The following ZYX variants were observed in gnomAD, a reference collection of about 807,000 sequenced individuals.
The protein encoded by ZYX is zyxin-2.
A neutral mutation model predicts 58.1 loss-of-function variants in ZYX; 37 were observed. That is an observed-to-expected ratio of 0.64 (90% confidence interval 0.49 to 0.84). The LOEUF (loss-of-function observed/expected upper bound fraction) is 0.84. Ranked by LOEUF, ZYX falls within the 40% of genes least tolerant of loss-of-function variation. ZYX has a pLI of 0.00. For missense variants in ZYX, 762 were observed against 761.6 expected, an observed-to-expected ratio of 1.00 and a Z score of -0.01; for synonymous variants, 324 against 321.1, an observed-to-expected ratio of 1.01 and a Z score of -0.10.
Position 143,388,917 on chromosome 7 carries a change from C to T in ZYX, c.1465C>T (p.Arg489Trp), listed in dbSNP as rs73154206. 0.016 allele frequency: 26,001 copies of T among 1,612,324 alleles called. 251 individuals carry two copies. The highest frequency in any genetic ancestry group is 0.02 in the Middle Eastern group (104 of 5,222). The change falls in exon 8 of 10, where the codon CGG becomes TGG. Residue 489 changes from arginine (R) to tryptophan (W), a missense_variant. Coordinates refer to ENST00000322764, the MANE Select transcript of ZYX (RefSeq NM_003461.5). This position sits in a 1 kb window ranked among gnomAD's most constrained non-coding sequence, Gnocchi z 7.5. ...CTCCTTCATCGTGGACCAGGCCAAC[C>T]GGCCCCACTGTGTCCCCGACTACCA... ...GTSFIVDQANRPHCVPDYHKQ... is the reference protein window; with the variant it reads ...GTSFIVDQANWPHCVPDYHKQ...
In ZYX at chr7:143,390,250, T is replaced by TG. The variant is rs1805023333; in HGVS notation, c.1614+275dup. 1 of 540,496 alleles carries TG rather than the reference T, an allele frequency of 1.9e-6. No homozygotes were observed. Among genetic ancestry groups the TG allele is most frequent in the African/African-American group, 1.9e-5 (1 of 52,642 alleles). 33.5% of individuals were successfully genotyped at this position (540,496 alleles called of 1,614,324 possible). A position where few individuals can be genotyped will look rare whatever the true frequency, so the allele number is the denominator to read the frequency against. ...AGAAGAAGGGCATGGTGTTTTACCG[T>TG]GGTAGGGGATGGGGAAACAGGAGCT... On this transcript the variant is annotated intron_variant, in intron 9 of 9. Transcript: ENST00000322764. This position sits in a 1 kb window ranked among gnomAD's most constrained non-coding sequence, Gnocchi z 4.3.
rs1372368102 is a variant in ZYX, at chr7:143,390,667, T to G, written c.1704T>G (p.Ala568=). The G allele has an allele frequency of 6.3e-7, 1 of 1,581,476 alleles. No homozygotes were observed. Among genetic ancestry groups the G allele is most frequent in the Non-Finnish European group, 8.6e-7 (1 of 1,163,544 alleles). The part of the protein sequence containing the change: ...GHVLCRKCHT[A]RAQT ...TGCTCTGTCGGAAGTGCCACACTGC[T>G]AGAGCCCAGACCTGAGTGAGGACAG... is the stretch of plus-strand genomic sequence containing the variant. Residue 568 remains alanine (A), a synonymous_variant, in exon 10 of 10, where the codon GCT becomes GCG. Coordinates refer to ENST00000322764, the MANE Select transcript of ZYX (RefSeq NM_003461.5). The surrounding 1 kb of genome is among the most constrained non-coding windows in gnomAD (Gnocchi z 4.3).
rs766871459 is a variant in ZYX, at chr7:143,381,556, G to GCAGCC, written c.-14_-10dup. ...CTGCGTAACCCGGCGACCCACCCCA[G>GCAGCC]CAGCCCGGCCCGGCCATGGCGGCCC... On this transcript the variant is annotated splice_region_variant and 5_prime_UTR_variant. Transcript: ENST00000322764. The GCAGCC allele has an allele frequency of 2.0e-4, 324 of 1,606,628 alleles. No homozygotes were observed. Among genetic ancestry groups the GCAGCC allele is most frequent in the Non-Finnish European group, 2.3e-4 (271 of 1,177,242 alleles).
chr7:143,389,081 G>A lies in ZYX; in HGVS notation c.1493+136G>A, dbSNP rs1462224093. The A allele has an allele frequency of 1.9e-6, 2 of 1,033,982 alleles. No homozygotes were observed. The highest frequency in any genetic ancestry group is 5.3e-5 in the Admixed American group (2 of 37,500). 64.1% of individuals were successfully genotyped at this position (1,033,982 alleles called of 1,614,324 possible). A position where few individuals can be genotyped will look rare whatever the true frequency, so the allele number is the denominator to read the frequency against. On this transcript the variant is annotated intron_variant, in intron 8 of 9. Coordinates refer to ENST00000322764, the MANE Select transcript of ZYX (RefSeq NM_003461.5). This position sits in a 1 kb window ranked among gnomAD's most constrained non-coding sequence, Gnocchi z 5.6. The stretch of plus-strand genomic sequence containing the variant: ...TCCCATGTCCTGTCTGTAAACAGCA[G>A]GGACCAAGTCATCGGGATGTAGCTG...
chr7:143,385,304 CTG>C (rs1187239585), intron 5 of ZYX, among the ~76,000 whole-genome samples: 1 of 151,598 alleles, frequency 6.6e-6, no homozygotes, highest in Non-Finnish European at 1.5e-5. Context: ...AAGGGAAGGA[CTG>C]TGTGTCAGTG....
intron 3 of ZYX, 28 bp from the exon 4 acceptor site, chr7:143,382,565 A>G: frequency 1.2e-6 from 2 of 1,611,362 alleles, no homozygotes; most frequent in Non-Finnish European, 1.7e-6. Flanking sequence ...GAGGCATGGA[A>G]TAGGTGCTCT....
At chr7:143,382,475 A>G (rs771317282) in intron 3 of ZYX, 28 bp downstream of exon 3, 4 of 1,588,028 alleles carry the variant, frequency 2.5e-6, no homozygotes, top group African/African-American at 2.7e-5. Context: ...GGGCGGCTGC[A>G]CTGGACACCC....
chr7:143,381,969 G>C (rs554215429), intron 2 of ZYX, 190 bp downstream of exon 2: 3 of 653,930 alleles, frequency 4.6e-6, no homozygotes, highest in African/African-American at 1.8e-5. Context: ...ACCGTTCCAA[G>C]TCCCCCGCCT....
chr7:143,383,767 C>T (rs963437252), intron 5 of ZYX, among the ~76,000 whole-genome samples: 1 of 152,194 alleles, frequency 6.6e-6, no homozygotes, highest in Non-Finnish European at 1.5e-5. Flanking sequence ...ACTGGTTGAG[C>T]CAGCATCCAC....
rs1164570496 is a variant in ZYX, at chr7:143,387,475, C to G, written c.1024-744C>G. 6.6e-6 allele frequency among the ~76,000 whole-genome samples: 1 copy of G among 152,198 alleles called. No homozygotes were observed. Among genetic ancestry groups the G allele is most frequent in the African/African-American group, 2.4e-5 (1 of 41,442 alleles). On this transcript the variant is annotated intron_variant, in intron 5 of 9. Coordinates refer to ENST00000322764, the MANE Select transcript of ZYX (RefSeq NM_003461.5). The surrounding 1 kb of genome is among the most constrained non-coding windows in gnomAD (Gnocchi z 5.8). ...CAGTGCTGATGCAGGTCAGACAGCCCTTCCCGGAGTTCTCAGGGTTACCTC... is the reference window on the plus strand; with the variant it reads ...CAGTGCTGATGCAGGTCAGACAGCCGTTCCCGGAGTTCTCAGGGTTACCTC...
Position 143,388,776 on chromosome 7 carries a change from G to T in ZYX, c.1324G>T (p.Glu442Ter), listed in dbSNP as rs758657866. The change falls in exon 8 of 10, where the codon GAG becomes TAG. Residue 442 changes from glutamate (E) to a stop codon, truncating the protein, a stop_gained. Transcript: ENST00000322764. LOFTEE classifies it high-confidence loss of function. The surrounding 1 kb of genome is among the most constrained non-coding windows in gnomAD (Gnocchi z 7.5). Reference sequence around the variant, plus strand: ...CCTGCTGCCTCCTCAGGACACCCTGGAGAAGTGTAACACCTGCGGGGAGCC... The same window carrying T: ...CCTGCTGCCTCCTCAGGACACCCTGTAGAAGTGTAACACCTGCGGGGAGCC... ...YCEGCYTDTL[E>*]KCNTCGEPIT... 6.2e-7 allele frequency: 1 copy of T among 1,613,696 alleles called. No individual in the cohort carries two copies.
At position 143,389,580 on chromosome 7, in the gene ZYX, C is replaced by T. The variant is rs952579929; in HGVS notation, c.1494-277C>T. 2.0e-5 allele frequency among the ~76,000 whole-genome samples: 3 copies of T among 152,150 alleles called. No homozygotes were observed. The highest frequency in any genetic ancestry group is 2.9e-5 in the Non-Finnish European group (2 of 68,036). ...CAGGGCTGGCTTTCTGCAGGAGCTGCAGTGTGAATGGGACAGTAAGGGTCG... is the reference window on the plus strand; with the variant it reads ...CAGGGCTGGCTTTCTGCAGGAGCTGTAGTGTGAATGGGACAGTAAGGGTCG... On this transcript the variant is annotated intron_variant, in intron 8 of 9. Transcript: ENST00000322764. The surrounding 1 kb of genome is among the most constrained non-coding windows in gnomAD (Gnocchi z 5.6).
In ZYX at chr7:143,387,874, G is replaced by T. The variant is rs929942950; in HGVS notation, c.1024-345G>T. ...CGAGCATGCTCTGTGGAGTTGATGC[G>T]TGGCCCTGGAGTGTCCGGTGCTTCA... is the stretch of plus-strand genomic sequence containing the variant. On this transcript the variant is annotated intron_variant, in intron 5 of 9. Coordinates refer to ENST00000322764, the MANE Select transcript of ZYX (RefSeq NM_003461.5). This position sits in a 1 kb window ranked among gnomAD's most constrained non-coding sequence, Gnocchi z 5.8. 1 of 495,236 alleles carries T rather than the reference G, an allele frequency of 2.0e-6. No individual in the cohort carries two copies. Among genetic ancestry groups the T allele is most frequent in the Non-Finnish European group, 4.0e-6 (1 of 247,056 alleles). The allele number at this position is 495,236 out of a possible 1,614,324, so 30.7% of individuals were successfully genotyped here. A position where few individuals can be genotyped will look rare whatever the true frequency, so the allele number is the denominator to read the frequency against.
At position 143,382,587 on chromosome 7, in the gene ZYX, C is replaced by T. The variant is rs369281437; in HGVS notation, c.409-6C>T. On this transcript the variant is annotated splice_region_variant and splice_polypyrimidine_tract_variant and intron_variant, in intron 3 of 9. Transcript: ENST00000322764. ...GGAATAGGTGCTCTGACCTCTGACC[C>T]TCTAGCCCAGGGAGAAGGTGAGCAG... 9.3e-6 allele frequency: 15 copies of T among 1,613,710 alleles called. No homozygotes were observed. Among genetic ancestry groups the T allele is most frequent in the African/African-American group, 1.3e-5 (1 of 74,890 alleles).
At position 143,390,163 on chromosome 7, in the gene ZYX, TG is replaced by T; in HGVS notation, c.1614+190del. On this transcript the variant is annotated intron_variant, in intron 9 of 9. Coordinates refer to ENST00000322764, the MANE Select transcript of ZYX (RefSeq NM_003461.5). This position sits in a 1 kb window ranked among gnomAD's most constrained non-coding sequence, Gnocchi z 4.3. ...CCTGCCACTGCAGGAAATGGGGCTG[TG>T]GGGCTTCTGAGGTCACTTTGAGTCA... 1 of 797,976 alleles carries T rather than the reference TG, an allele frequency of 1.3e-6. No individual in the cohort carries two copies. Among genetic ancestry groups the T allele is most frequent in the East Asian group, 2.8e-5 (1 of 35,854 alleles). 49.4% of individuals were successfully genotyped at this position (797,976 alleles called of 1,614,324 possible).
At chr7:143,385,043 A>G (rs564569937) in intron 5 of ZYX, among the ~76,000 whole-genome samples, 133 of 152,260 alleles carry the variant, frequency 8.7e-4, no homozygotes, top group Middle Eastern at 3.4e-3. Context: ...GAGTGCAGAC[A>G]GCGGGGACCA....
Position 143,383,458 on chromosome 7 carries a change from T to G in ZYX, c.1023+136T>G, listed in dbSNP as rs1185023979. The G allele has an allele frequency of 2.6e-6, 3 of 1,168,740 alleles. No homozygotes were observed. The East Asian group carries it at 7.8e-5, about 30-fold the overall frequency. 72.4% of individuals were successfully genotyped at this position (1,168,740 alleles called of 1,614,324 possible). On this transcript the variant is annotated intron_variant, in intron 5 of 9. Transcript: ENST00000322764. The stretch of plus-strand genomic sequence containing the variant: ...TTGCGGGGTGGCGGGATAGGAATTT[T>G]CATCCTCTGGGGTTAGCCTGGTGGA...
Position 143,389,661 on chromosome 7 carries a change from G to GA in ZYX, c.1494-195dup, listed in dbSNP as rs1407335734. On this transcript the variant is annotated intron_variant, in intron 8 of 9. Coordinates refer to ENST00000322764, the MANE Select transcript of ZYX (RefSeq NM_003461.5). This position sits in a 1 kb window ranked among gnomAD's most constrained non-coding sequence, Gnocchi z 5.6. ...GGAGGCTCCCTTGCTTTGGGAGAGT[G>GA]ACTGGTGAGGCAGGAAATTCCCTTT... is the stretch of plus-strand genomic sequence containing the variant. Among the ~76,000 whole-genome samples the GA allele has an allele frequency of 6.6e-6, 1 of 152,174 alleles. No individual in the cohort carries two copies. Among genetic ancestry groups the GA allele is most frequent in the East Asian group, 1.9e-4 (1 of 5,188 alleles).
chr7:143,391,006 C>G lies in ZYX; in HGVS notation c.*324C>G. Reference sequence around the variant, plus strand: ...GCCGGCCCCCCGAGCAGCCTTTGTACTCTGCTTGCGGAGGGCTGGGAGACC... The same window carrying G: ...GCCGGCCCCCCGAGCAGCCTTTGTAGTCTGCTTGCGGAGGGCTGGGAGACC... On this transcript the variant is annotated 3_prime_UTR_variant, in exon 10 of 10. Transcript: ENST00000322764. The G allele has an allele frequency of 2.8e-6, 1 of 362,118 alleles. No individual in the cohort carries two copies. The highest frequency in any genetic ancestry group is 5.1e-6 in the Non-Finnish European group (1 of 194,642). 22.4% of individuals were successfully genotyped at this position (362,118 alleles called of 1,614,324 possible).
Sources: allele counts gnomAD v4.1 joint callset (sites outside exome capture counted in the v4.1 genomes callset), GRCh38; gene constraint gnomAD v4.1.1; non-coding constraint Gnocchi (gnomAD v3.1); transcripts MANE v1.5; gene names NCBI Gene and HGNC (gene_info 2026-07-23, HGNC 2026-07-21).